FANCC: variants seen among roughly 807,000 people sequenced by gnomAD.
FANCC encodes FA complementation group C, also known as Fanconi anemia group C protein.
FANCC carries 55 observed loss-of-function variants against 71.3 expected under a neutral mutation model. That is an observed-to-expected ratio of 0.77 (90% CI 0.62 to 0.97). The LOEUF (loss-of-function observed/expected upper bound fraction) is 0.97. Among genes scored for constraint, FANCC ranks in the 50% least tolerant of loss-of-function variants. The probability of loss-of-function intolerance (pLI) is 0.00; values close to 1 mark genes in which losing one functional copy is unlikely to be tolerated. For synonymous variants in FANCC, 275 were observed against 244.9 expected (o/e 1.12, Z -1.15); for missense variants, 678 against 670.9 (o/e 1.01, Z -0.12).
chr9:95,188,355 A>G (rs1015381027), intron 4 of FANCC, among the ~76,000 whole-genome samples: 2 of 152,162 alleles, frequency 1.3e-5, no homozygotes, highest in Non-Finnish European at 2.9e-5. Flanking sequence ...AGCCTGCTCC[A>G]TGAAAAGCTC....
At chr9:95,102,918 C>T (rs535206051) in intron 14 of FANCC, among the ~76,000 whole-genome samples, 4 of 152,230 alleles carry the variant, frequency 2.6e-5, no homozygotes, top group East Asian at 1.9e-4. Flanking sequence ...GCAACGAGCC[C>T]GCCAGGGTCA....
intron 10 of FANCC, chr9:95,123,991 T>C (rs1348190580): frequency 2.9e-6 from 1 of 345,048 alleles, no homozygotes; most frequent in Non-Finnish European, 5.6e-6. Context: ...TGGTCCCAGC[T>C]ACACGCAGGG....
At chr9:95,178,049 T>C (rs2135641155) in intron 4 of FANCC, among the ~76,000 whole-genome samples, 1 of 152,326 alleles carries the variant, frequency 6.6e-6, no homozygotes, top group Admixed American at 6.5e-5. Flanking sequence ...TTTTGCTTTT[T>C]TTTTTTAAGC....
intron 4 of FANCC, among the ~76,000 whole-genome samples, chr9:95,227,474 T>C (rs1401629891): frequency 6.6e-6 from 1 of 152,190 alleles, no homozygotes; most frequent in African/African-American, 2.4e-5. Flanking sequence ...TGGTATCTTA[T>C]TCTCAACTAG....
At chr9:95,244,003 G>T (rs1367184547) in intron 3 of FANCC, among the ~76,000 whole-genome samples, 1 of 152,206 alleles carries the variant, frequency 6.6e-6, no homozygotes, top group African/African-American at 2.4e-5. Flanking sequence ...TAATACAAGC[G>T]TTGAGACAGA....
At chr9:95,311,292 T>G (rs1284553850) in intron 1 of FANCC, among the ~76,000 whole-genome samples, 1 of 150,220 alleles carries the variant, frequency 6.7e-6, no homozygotes, top group Non-Finnish European at 1.5e-5. Context: ...AGTACAGCAC[T>G]TGAATGTACA....
chr9:95,301,014 A>C (rs912341709), intron 1 of FANCC, among the ~76,000 whole-genome samples: 1 of 152,176 alleles, frequency 6.6e-6, no homozygotes, highest in Non-Finnish European at 1.5e-5. Flanking sequence ...ATGTAGAAGG[A>C]AGGCAAACAT....
At chr9:95,201,869 A>G (rs1185146145) in intron 4 of FANCC, among the ~76,000 whole-genome samples, 1 of 152,226 alleles carries the variant, frequency 6.6e-6, no homozygotes, top group East Asian at 1.9e-4. Context: ...CCAAGCTTAA[A>G]AAGATTTCCA....
intron 1 of FANCC, among the ~76,000 whole-genome samples, chr9:95,277,785 T>C (rs1227333635): frequency 6.6e-6 from 1 of 152,146 alleles, no homozygotes; most frequent in Non-Finnish European, 1.5e-5. Context: ...TGCTCAAAAG[T>C]TGTCAACCAA....
chr9:95,173,431 T>C (rs2135597040), intron 4 of FANCC, among the ~76,000 whole-genome samples: 1 of 152,314 alleles, frequency 6.6e-6, no homozygotes, highest in Admixed American at 6.5e-5. Context: ...AAAAAATATA[T>C]TAAATGTCTT....
rs1564665867 is a variant in FANCC, at chr9:95,125,164, A to C, written c.918T>G (p.Asp306Glu). Residue 306 changes from aspartate (D) to glutamate (E), a missense_variant, in exon 10 of 15, where the codon GAT (aspartate) becomes GAG (glutamate). Transcript: ENST00000289081. Reference protein sequence around the residue: ...EMFRCALLETDGALEIIATIQ... With the variant: ...EMFRCALLETEGALEIIATIQ... ...TAGTGGCTATGATTTCCAGGGCCCC[A>C]TCGGTTTCCAGGAGTGCACACCTGA... The C allele has an allele frequency of 6.2e-7, 1 of 1,614,216 alleles. No homozygotes were observed. The highest frequency in any genetic ancestry group is 8.5e-7 in the Non-Finnish European group (1 of 1,180,030).
At chr9:95,247,776 T>C (rs917170445) in intron 2 of FANCC, among the ~76,000 whole-genome samples, 1 of 152,200 alleles carries the variant, frequency 6.6e-6, no homozygotes, top group African/African-American at 2.4e-5. Context: ...TGTTGCAAAA[T>C]TAATTCTACT....
At chr9:95,239,616 C>G (rs1313664972) in intron 4 of FANCC, among the ~76,000 whole-genome samples, 1 of 152,168 alleles carries the variant, frequency 6.6e-6, no homozygotes, top group African/African-American at 2.4e-5. Flanking sequence ...ATTCTTTCTT[C>G]CCTAATTCTA....
At chr9:95,229,479 A>C (rs1829855519) in intron 4 of FANCC, among the ~76,000 whole-genome samples, 2 of 152,070 alleles carry the variant, frequency 1.3e-5, no homozygotes, top group Admixed American at 1.3e-4. Flanking sequence ...GGATGGATTG[A>C]TAGACTTGAG....
chr9:95,102,046 A>G (rs2071102695), intron 14 of FANCC, among the ~76,000 whole-genome samples, 196 bp from the exon 15 acceptor site: 1 of 152,228 alleles, frequency 6.6e-6, no homozygotes, highest in Non-Finnish European at 1.5e-5. Context: ...GGCTGGCTAC[A>G]CAGTGAGCGG....
chr9:95,135,039 C>T (rs1189823640), intron 8 of FANCC, among the ~76,000 whole-genome samples: 1 of 152,172 alleles, frequency 6.6e-6, no homozygotes, highest in African/African-American at 2.4e-5. Flanking sequence ...TTTCCAAAAA[C>T]TTATTTTCCA....
At chr9:95,164,445 C>A (rs1461332707) in intron 6 of FANCC, among the ~76,000 whole-genome samples, 1 of 152,072 alleles carries the variant, frequency 6.6e-6, no homozygotes, top group Non-Finnish European at 1.5e-5. Context: ...TCAAATATGG[C>A]CTTTACTACT....
intron 1 of FANCC, among the ~76,000 whole-genome samples, chr9:95,250,788 A>G (rs1831282043): frequency 6.6e-6 from 1 of 152,236 alleles, no homozygotes; most frequent in Non-Finnish European, 1.5e-5. Context: ...GGAGTGTTGC[A>G]CTTGTCTACT....
At chr9:95,129,291 G>C in intron 8 of FANCC, among the ~76,000 whole-genome samples, 1 of 152,194 alleles carries the variant, frequency 6.6e-6, no homozygotes, top group South Asian at 2.1e-4. Context: ...ATGAGGACTA[G>C]AGTACTACAG....
Sources: gnomAD v4.1 joint callset for allele counts (sites outside exome capture counted in the v4.1 genomes callset) on GRCh38, gnomAD v4.1.1 for gene constraint, MANE v1.5 for transcripts, NCBI Gene and HGNC (gene_info 2026-07-23, HGNC 2026-07-21) for gene names.